Variants in ANKH observed in about 807,000 individuals in gnomAD.
The protein encoded by ANKH is mineralization regulator ANKH.
Under a neutral mutation model 49.0 loss-of-function variants are expected in ANKH, and 15 were observed. The ratio of observed to expected loss-of-function variants is 0.31; its 90% CI spans 0.20 to 0.47. The LOEUF (loss-of-function observed/expected upper bound fraction) is 0.47, where lower values mean the gene tolerates loss of function less well. Ranked by LOEUF, ANKH falls within the 20% of genes least tolerant of loss-of-function variation. The pLI is 1.00. For synonymous variants in ANKH, 273 were observed against 260.0 expected (o/e 1.05, Z -0.48); for missense variants, 429 against 652.0 (o/e 0.66, Z 3.72).
intron 1 of ANKH, among the ~76,000 whole-genome samples, chr5:14,771,947 A>C (rs1266894753): frequency 2.4e-4 from 30 of 127,340 alleles, no homozygotes; most frequent in East Asian, 1.8e-3. Flanking sequence ...AAAAAAAAAA[A>C]CCAAAACAAA....
chr5:14,798,488 T>C, intron 1 of ANKH: 3 of 910,958 alleles, frequency 3.3e-6, no homozygotes, highest in Non-Finnish European at 4.6e-6. Context: ...GCACGCGGTC[T>C]CTATTTTTTT....
chr5:14,765,805 G>A, intron 2 of ANKH, among the ~76,000 whole-genome samples: 1 of 152,192 alleles, frequency 6.6e-6, no homozygotes, highest in Non-Finnish European at 1.5e-5. Context: ...GATGCACAGA[G>A]GGGACACTGC....
intron 1 of ANKH, among the ~76,000 whole-genome samples, chr5:14,843,175 CTTT>C (rs34837612): frequency 6.0e-5 from 8 of 132,240 alleles, no homozygotes; most frequent in Admixed American, 7.7e-5. Flanking sequence ...CCAGGGTTCT[CTTT>C]TTTTTTTTTT....
chr5:14,871,285 C>T (rs1416569098), intron 1 of ANKH, 67 bp downstream of exon 1: 1 of 1,405,278 alleles, frequency 7.1e-7, no homozygotes, highest in African/African-American at 1.4e-5. Flanking sequence ...CTCCCCTCCG[C>T]CCCCGTGTCC....
At chr5:14,711,373 G>A (rs751500002) in intron 11 of ANKH, 63 bp from the exon 12 acceptor site, 81 of 1,412,212 alleles carry the variant, frequency 5.7e-5, no homozygotes, top group Admixed American at 4.7e-4. Context: ...GCAGAACCAC[G>A]AGCAGGGAGA....
chr5:14,823,772 T>C (rs1418056549), intron 1 of ANKH, among the ~76,000 whole-genome samples: 2 of 151,950 alleles, frequency 1.3e-5, no homozygotes, highest in Non-Finnish European at 2.9e-5. Context: ...ACTAAAAATA[T>C]AAAAATTAGC....
intron 1 of ANKH, chr5:14,797,545 C>G: frequency 6.2e-7 from 1 of 1,611,010 alleles, no homozygotes; most frequent in African/African-American, 1.3e-5. Context: ...AGAATGAACT[C>G]ACTATAAGGA....
chr5:14,797,550 T>G (rs1204084411), intron 1 of ANKH: 1 of 1,610,896 alleles, frequency 6.2e-7, no homozygotes, highest in East Asian at 2.2e-5. Context: ...GAACTCACTA[T>G]AAGGACTGAA....
At chr5:14,855,911 G>T (rs1735228356) in intron 1 of ANKH, among the ~76,000 whole-genome samples, 1 of 149,862 alleles carries the variant, frequency 6.7e-6, no homozygotes, top group Non-Finnish European at 1.5e-5. Flanking sequence ...CCAATCATCT[G>T]TCATTTGCTT....
At chr5:14,844,860 C>T (rs1341530775) in intron 1 of ANKH, among the ~76,000 whole-genome samples, 1 of 152,174 alleles carries the variant, frequency 6.6e-6, no homozygotes, top group Non-Finnish European at 1.5e-5. Flanking sequence ...TTGTCTTGGT[C>T]TCAGAGAACT....
intron 1 of ANKH, among the ~76,000 whole-genome samples, chr5:14,774,476 C>T (rs903947959): frequency 2.0e-5 from 3 of 152,070 alleles, no homozygotes; most frequent in Admixed American, 6.5e-5. Context: ...CGCGCTCTGT[C>T]GCCCAGTCTG....
rs977031142 is a variant in ANKH, at chr5:14,710,779, T to G, written c.*418A>C. 1.2e-4 allele frequency: 25 copies of G among 208,848 alleles called. No homozygotes were observed. In the East Asian group the frequency reaches 2.9e-3, roughly 25 times the overall value. 12.9% of individuals were successfully genotyped at this position (208,848 alleles called of 1,614,324 possible). A position where few individuals can be genotyped will look rare whatever the true frequency, so the allele number is the denominator to read the frequency against. Reference sequence around the variant, plus strand: ...CAAAGGAAGCCGAGTTTTAACCTGTTGATTCTTAAGAGCGATGAAGGGGGA... The same window carrying G: ...CAAAGGAAGCCGAGTTTTAACCTGTGGATTCTTAAGAGCGATGAAGGGGGA... On this transcript the variant is annotated 3_prime_UTR_variant, in exon 12 of 12. Transcript: ENST00000284268.
intron 1 of ANKH, among the ~76,000 whole-genome samples, chr5:14,856,280 G>C (rs144645562): frequency 0.026 from 3,905 of 152,068 alleles, 72 homozygotes; most frequent in Non-Finnish European, 0.037. Flanking sequence ...AAATAAAACA[G>C]GTATAGCAGC....
intron 6 of ANKH, 46 bp downstream of exon 6, chr5:14,749,126 C>T (rs1203876222): frequency 1.2e-6 from 2 of 1,613,458 alleles, no homozygotes; most frequent in Admixed American, 1.7e-5. Flanking sequence ...ACCCCCCTGC[C>T]CCACCAAGGT....
chr5:14,797,934 T>C, intron 1 of ANKH: 2 of 1,591,148 alleles, frequency 1.3e-6, no homozygotes, highest in Non-Finnish European at 1.7e-6. Flanking sequence ...AGAAGGATGT[T>C]TTGTATAGTC....
rs576844691 is a variant in ANKH at position 14,867,065 on chromosome 5, G to A, written c.96+4287C>T. On this transcript the variant is annotated intron_variant, in intron 1 of 11. Transcript: ENST00000284268. Reference sequence around the variant, plus strand: ...CCCGCTACTCGGGGGACTGAGGCAGGAGAATCGCTTGAGCCTGGGAAATGG... The same window carrying A: ...CCCGCTACTCGGGGGACTGAGGCAGAAGAATCGCTTGAGCCTGGGAAATGG... Among the ~76,000 whole-genome samples, 22 of 150,484 alleles carry A rather than the reference G, an allele frequency of 1.5e-4. No individual in the cohort carries two copies. In the South Asian group the frequency reaches 4.6e-3, roughly 32 times the overall value.
intron 1 of ANKH, among the ~76,000 whole-genome samples, chr5:14,800,382 C>G (rs1373173919): frequency 6.6e-6 from 1 of 152,210 alleles, no homozygotes; most frequent in East Asian, 1.9e-4. Flanking sequence ...GAAAGAAGTT[C>G]TACTGTGAGT....
intron 1 of ANKH, among the ~76,000 whole-genome samples, chr5:14,867,034 G>A (rs544123025): frequency 9.2e-5 from 14 of 151,824 alleles, no homozygotes; most frequent in East Asian, 1.9e-4. Context: ...GTGCACGCCT[G>A]TAGTCCCCGC....
intron 1 of ANKH, among the ~76,000 whole-genome samples, chr5:14,858,106 A>G (rs948454636): frequency 7.2e-5 from 11 of 152,252 alleles, no homozygotes; most frequent in African/African-American, 2.4e-4. Flanking sequence ...AGCTAGGAGC[A>G]TTAATCATCA....
Sources: allele counts gnomAD v4.1 joint callset (sites outside exome capture counted in the v4.1 genomes callset), GRCh38; gene constraint gnomAD v4.1.1; transcripts MANE v1.5; gene names NCBI Gene and HGNC (gene_info 2026-07-23, HGNC 2026-07-21).